Variants in DGKI observed in about 807,000 individuals in gnomAD.
DGKI encodes diacylglycerol kinase iota, also known as DAG kinase iota.
In DGKI, 55 loss-of-function variants were observed where a neutral mutation model predicts 147.5. The observed-to-expected ratio is 0.37, with a 90% confidence interval of 0.30 to 0.47. The LOEUF (loss-of-function observed/expected upper bound fraction) is 0.47. DGKI is among the 20% of genes least tolerant of loss of function. DGKI has a pLI of 1.00. For missense variants in DGKI, 1,007 were observed against 1,323.8 expected (o/e 0.76, Z 3.71); for synonymous variants, 469 against 477.1 (o/e 0.98, Z 0.22).
At chr7:137,412,263 T>C in intron 28 of DGKI, 56 bp from the exon 29 acceptor site, 1 of 1,511,898 alleles carries the variant, frequency 6.6e-7, no homozygotes, top group East Asian at 2.3e-5. Flanking sequence ...TATTAAAATA[T>C]TACACAAAGT....
At chr7:137,578,692 C>T (rs1819072405) in intron 15 of DGKI, among the ~76,000 whole-genome samples, 1 of 152,122 alleles carries the variant, frequency 6.6e-6, no homozygotes, top group African/African-American at 2.4e-5. Context: ...AAGATGGAGG[C>T]ACTCTAGATG....
intron 15 of DGKI, among the ~76,000 whole-genome samples, chr7:137,580,469 TATCA>T (rs908369579): frequency 3.9e-5 from 6 of 152,112 alleles, no homozygotes; most frequent in Non-Finnish European, 8.8e-5. Context: ...GAGGTTCTGT[TATCA>T]ATCATGCCTT....
Position 137,504,414 on chromosome 7 carries a change from A to G in DGKI, c.2249-16725T>C, listed in dbSNP as rs565913104. Reference sequence around the variant, plus strand: ...CTTAGAGAAAAGCTTCTCAGAAACCACTGTGTTTGCAAAGACTGGGCTTTA... The same window carrying G: ...CTTAGAGAAAAGCTTCTCAGAAACCGCTGTGTTTGCAAAGACTGGGCTTTA... On this transcript the variant is annotated intron_variant, in intron 21 of 32. Transcript: ENST00000614521. Among the ~76,000 whole-genome samples, 7 of 152,284 alleles carry G rather than the reference A, an allele frequency of 4.6e-5. No homozygotes were observed. The East Asian group carries it at 1.2e-3, about 25-fold the overall frequency.
At chr7:137,612,801 C>T (rs1444453982) in intron 8 of DGKI, among the ~76,000 whole-genome samples, 1 of 152,152 alleles carries the variant, frequency 6.6e-6, no homozygotes, top group Non-Finnish European at 1.5e-5. Flanking sequence ...GGGCAGCTAA[C>T]TCGGTGATAA....
In DGKI at chr7:137,480,596, G is replaced by GT. The variant is rs67866265; in HGVS notation, c.2373+4777dup. Among the ~76,000 whole-genome samples, 1,319 of 148,252 alleles carry GT rather than the reference G, an allele frequency of 8.9e-3. 4 individuals carry two copies. Among genetic ancestry groups the GT allele is most frequent in the Middle Eastern group, 0.014 (4 of 282 alleles). On this transcript the variant is annotated intron_variant, in intron 23 of 32. Coordinates refer to ENST00000614521, the MANE Select transcript of DGKI (RefSeq NM_001321708.2). ...TAGACTCCGATCTGACCAAGAGGTT[G>GT]TTTTTTTTTTTCTTATGAAAGTGAA...
intron 28 of DGKI, among the ~76,000 whole-genome samples, chr7:137,420,896 G>C (rs1159656429): frequency 6.6e-6 from 1 of 152,146 alleles, no homozygotes; most frequent in East Asian, 1.9e-4. Flanking sequence ...GTGGAAGCCT[G>C]TAGTCCCAGC....
At chr7:137,580,826 A>T (rs1212466563) in intron 15 of DGKI, among the ~76,000 whole-genome samples, 2 of 152,160 alleles carry the variant, frequency 1.3e-5, no homozygotes, top group Non-Finnish European at 2.9e-5. Context: ...ATTCCAAAGT[A>T]TGCAAAAATT....
chr7:137,464,299 C>G (rs1053764079), intron 26 of DGKI, among the ~76,000 whole-genome samples: 2 of 149,598 alleles, frequency 1.3e-5, no homozygotes, highest in Non-Finnish European at 3.0e-5. Flanking sequence ...AAGAAAATGA[C>G]CAAGTGAGCA....
At chr7:137,585,373 G>A (rs372637194) in intron 13 of DGKI, 27 bp from the exon 14 acceptor site, 1 of 1,611,682 alleles carries the variant, frequency 6.2e-7, no homozygotes, top group Non-Finnish European at 8.5e-7. Context: ...CATATCCATT[G>A]CTGTCCAGAG....
rs999583359 is a variant in DGKI, at chr7:137,381,565, G to A, written c.*9655C>T. ...AAGGGTACCCTGGATGCCTGGGAAC[G>A]TTTTCCCACTCAGAAATCAAATTAA... On this transcript the variant is annotated 3_prime_UTR_variant, in exon 33 of 33. Transcript: ENST00000614521. 5.3e-5 allele frequency: 8 copies of A among 151,578 alleles called. No individual in the cohort carries two copies. Among genetic ancestry groups the A allele is most frequent in the South Asian group, 2.1e-4 (1 of 4,792 alleles). The allele number at this position is 151,578 out of a possible 1,614,324, so 9.4% of individuals were successfully genotyped here.
At chr7:137,642,929 A>AGTGTGTGTGTGTGTGTGT (rs1207086851) in intron 6 of DGKI, among the ~76,000 whole-genome samples, 8 of 121,172 alleles carry the variant, frequency 6.6e-5, no homozygotes, top group African/African-American at 1.9e-4. Context: ...ATTATGGAAT[A>AGTGTGTGTGTGTGTGTGT]GTGTGTGTGT....
chr7:137,788,111 T>A (rs1236844358), intron 1 of DGKI, among the ~76,000 whole-genome samples: 4 of 152,176 alleles, frequency 2.6e-5, no homozygotes, highest in Non-Finnish European at 5.9e-5. Context: ...ATACTTAATA[T>A]TTTACTAAAA....
intron 6 of DGKI, among the ~76,000 whole-genome samples, chr7:137,638,563 T>C (rs28668654): frequency 2.7e-4 from 22 of 82,954 alleles, no homozygotes; most frequent in East Asian, 1.9e-3. Flanking sequence ...TGTATATATA[T>C]ACACACATAT....
At chr7:137,547,485 T>C (rs563957426) in intron 20 of DGKI, among the ~76,000 whole-genome samples, 11 of 152,368 alleles carry the variant, frequency 7.2e-5, no homozygotes, top group African/African-American at 2.6e-4. Context: ...AATTATTAAA[T>C]ATGTATCTTT....
chr7:137,474,609 CA>C (rs1374786855), intron 23 of DGKI, among the ~76,000 whole-genome samples: 1 of 152,060 alleles, frequency 6.6e-6, no homozygotes, highest in African/African-American at 2.4e-5. Context: ...GTCTGCTTCG[CA>C]AAACTGAAAT....
intron 27 of DGKI, among the ~76,000 whole-genome samples, chr7:137,448,461 A>T (rs1162614251): frequency 6.6e-6 from 1 of 150,810 alleles, no homozygotes; most frequent in Non-Finnish European, 1.5e-5. Flanking sequence ...ATGATTAATA[A>T]ATCTTCGTGT....
intron 27 of DGKI, among the ~76,000 whole-genome samples, chr7:137,456,729 G>A (rs1391346499): frequency 1.3e-5 from 2 of 152,208 alleles, no homozygotes; most frequent in African/African-American, 2.4e-5. Flanking sequence ...TCATGGCAAT[G>A]AAGGGCGAGA....
intron 1 of DGKI, among the ~76,000 whole-genome samples, chr7:137,716,192 A>G (rs760565830): frequency 6.6e-6 from 1 of 152,220 alleles, no homozygotes; most frequent in African/African-American, 2.4e-5. Context: ...AGGAAATTCA[A>G]TGTTATAGTT....
At chr7:137,842,173 A>C (rs1798562778) in intron 1 of DGKI, among the ~76,000 whole-genome samples, 1 of 152,236 alleles carries the variant, frequency 6.6e-6, no homozygotes, top group Non-Finnish European at 1.5e-5. Flanking sequence ...GGATTTACAA[A>C]AGAGGATACA....
Sources: allele counts gnomAD v4.1 joint callset (sites outside exome capture counted in the v4.1 genomes callset), GRCh38; gene constraint gnomAD v4.1.1; transcripts MANE v1.5; gene names NCBI Gene and HGNC (gene_info 2026-07-23, HGNC 2026-07-21).